AP1G1: variants seen among roughly 807,000 people sequenced by gnomAD.
AP1G1 encodes the protein AP-1 complex subunit gamma-1.
In AP1G1, 7 loss-of-function variants were observed where a neutral mutation model predicts 108.3. That is an observed-to-expected ratio of 0.06 (90% CI 0.04 to 0.12). The LOEUF (loss-of-function observed/expected upper bound fraction) is 0.12, where lower values mean the gene tolerates loss of function less well. Among genes scored for constraint, AP1G1 ranks in the 10% least tolerant of loss-of-function variants. The pLI, the probability that AP1G1 is intolerant of heterozygous loss-of-function variation, is 1.00. For missense variants in AP1G1, 756 were observed against 1,010.7 expected (o/e 0.75, Z 3.42); for synonymous variants, 379 against 353.5 (o/e 1.07, Z -0.81).
At chr16:71,805,155 C>T (rs910705161) in intron 1 of AP1G1, among the ~76,000 whole-genome samples, 8 of 151,874 alleles carry the variant, frequency 5.3e-5, no homozygotes, top group African/African-American at 1.9e-4. Flanking sequence ...AATCAAGAAC[C>T]GAAAACAGAC....
rs376764786 is a variant in AP1G1, at chr16:71,746,722, T to C, written c.1626-30A>G. 1.3e-5 allele frequency: 20 copies of C among 1,523,026 alleles called. No homozygotes were observed. The African/African-American group carries it at 2.3e-4, about 18-fold the overall frequency. The allele number at this position is 1,523,026 out of a possible 1,614,324, so 94.3% of individuals were successfully genotyped here. A position where few individuals can be genotyped will look rare whatever the true frequency, so the allele number is the denominator to read the frequency against. On this transcript the variant is annotated intron_variant, in intron 16 of 22. Transcript: ENST00000299980. ...AGATAAAATGACAAACGAAATAAAA[T>C]ACCCAAAAGAAAATTCACAAATAAG...
At chr16:71,761,408 G>A in intron 10 of AP1G1, 104 bp downstream of exon 10, 1 of 845,638 alleles carries the variant, frequency 1.2e-6, no homozygotes, top group South Asian at 1.6e-5. Context: ...TGAGCTAAAA[G>A]TTCTAAATAT....
intron 1 of AP1G1, 180 bp downstream of exon 1, chr16:71,808,583 A>C (rs1217655108): frequency 7.8e-7 from 1 of 1,289,300 alleles, no homozygotes; most frequent in East Asian, 5.6e-5. Context: ...GGCCCTCCAG[A>C]AGTCGGAGCA....
rs113954982 is a variant in AP1G1, at chr16:71,752,890, T to C, written c.1284+943A>G. ...TTTTCAAATGTTAATTAGCCATTTC[T>C]TTCTTCATGAATTGCTGGTTCAAAT... On this transcript the variant is annotated intron_variant, in intron 13 of 22. Coordinates refer to ENST00000299980, the MANE Select transcript of AP1G1 (RefSeq NM_001128.6). Among the ~76,000 whole-genome samples, 306 of 152,340 alleles carry C rather than the reference T, an allele frequency of 2.0e-3. 2 individuals are homozygous for C. The highest frequency in any genetic ancestry group is 6.9e-3 in the African/African-American group (288 of 41,584).
At chr16:71,766,545 T>C (rs2031324201) in intron 6 of AP1G1, 1 of 385,792 alleles carries the variant, frequency 2.6e-6, no homozygotes. Context: ...TATAAACAAC[T>C]CTAATGACCA....
chr16:71,802,238 A>G (rs149199214), intron 1 of AP1G1, among the ~76,000 whole-genome samples: 3 of 152,174 alleles, frequency 2.0e-5, no homozygotes, highest in Admixed American at 1.3e-4. Context: ...AAAAGTGTTC[A>G]GTCTTAAAAG....
chr16:71,773,273 G>A lies in AP1G1; in HGVS notation c.416C>T (p.Ala139Val). 6.2e-7 allele frequency: 1 copy of A among 1,613,156 alleles called. No individual in the cohort carries two copies. Among genetic ancestry groups the A allele is most frequent in the Non-Finnish European group, 8.5e-7 (1 of 1,179,782 alleles). Residue 139 changes from alanine to valine, a missense_variant, in exon 4 of 23, where the codon GCA becomes GTA. Physicochemically the swap from Ala to Val is moderately conservative, Grantham distance 64. Transcript: ENST00000299980. ...TTTCAGGAGCTTCTCTACCTCTCCT[G>A]CAAGATCTCTGCACATCTCTGAGGA... The part of the protein sequence containing the change: ...MGSSEMCRDL[A>V]GEVEKLLKTS...
chr16:71,768,936 A>AAAAAG lies in AP1G1; in HGVS notation c.642+682_642+686dup, dbSNP rs1555554360. 1.5e-3 allele frequency among the ~76,000 whole-genome samples: 179 copies of AAAAAG among 121,328 alleles called. 1 individual carries two copies. The highest frequency in any genetic ancestry group is 0.011 in the Middle Eastern group (2 of 180). 79.6% of individuals were successfully genotyped at this position (121,328 alleles called of 152,430 possible). A position where few individuals can be genotyped will look rare whatever the true frequency, so the allele number is the denominator to read the frequency against. ...CTGTCTCAAAAAAAAAAAAAAAAAA[A>AAAAAG]AAAAGAAAAGAAAAGAAATTCCTGC... On this transcript the variant is annotated intron_variant, in intron 6 of 22. Transcript: ENST00000299980.
intron 22 of AP1G1, among the ~76,000 whole-genome samples, chr16:71,733,554 C>T (rs771894838): frequency 1.3e-4 from 20 of 152,234 alleles, no homozygotes; most frequent in Non-Finnish European, 1.8e-4. Context: ...TTAGTAGAGA[C>T]GGGGTTTCAC....
intron 21 of AP1G1, among the ~76,000 whole-genome samples, chr16:71,736,784 G>A (rs1259864263): frequency 2.7e-5 from 4 of 148,890 alleles, no homozygotes; most frequent in Admixed American, 6.7e-5. Flanking sequence ...TAGTAGAGAC[G>A]GGGTTTCACC....
intron 6 of AP1G1, chr16:71,769,387 G>A (rs533465872): frequency 2.1e-6 from 1 of 466,948 alleles, no homozygotes; most frequent in Admixed American, 3.3e-5. Flanking sequence ...TGAGATTGGT[G>A]TGTCTGCCAA....
intron 10 of AP1G1, among the ~76,000 whole-genome samples, chr16:71,760,286 T>C (rs1321682660): frequency 6.6e-6 from 1 of 150,534 alleles, no homozygotes; most frequent in Non-Finnish European, 1.5e-5. Flanking sequence ...CTCACGCCTG[T>C]AATCCCAGCA....
At position 71,739,042 on chromosome 16, in the gene AP1G1, C is replaced by T. The variant is rs2045585631; in HGVS notation, c.2168G>A (p.Arg723Gln). 6.2e-7 allele frequency: 1 copy of T among 1,614,090 alleles called. No individual in the cohort carries two copies. The highest frequency in any genetic ancestry group is 8.5e-7 in the Non-Finnish European group (1 of 1,179,988). ...NGLKIEFTFE[R>Q]SNTNPSVTVI... is the part of the protein sequence containing the mutation. ...TGTTACACTGGGGTTGGTATTTGAC[C>T]GTTCAAAGGTGAATTCTATCTTCAA... is the stretch of plus-strand genomic sequence containing the variant. The change falls in exon 21 of 23, where the codon CGG (arginine) becomes CAG (glutamine). Residue 723 changes from arginine (R) to glutamine (Q), a missense_variant. Physicochemically the swap from Arg to Gln is conservative, Grantham distance 43. This residue lies in a region of AP1G1 where 95 missense variants were observed against 160.5 expected (regional missense o/e 0.59). Transcript: ENST00000299980.
chr16:71,775,085 G>A (rs1215157548), intron 2 of AP1G1, among the ~76,000 whole-genome samples: 1 of 138,216 alleles, frequency 7.2e-6, no homozygotes, highest in African/African-American at 2.7e-5. Flanking sequence ...AGAGTGCAAT[G>A]GCGCGATCCC....
chr16:71,746,540 A>T, intron 17 of AP1G1, 48 bp downstream of exon 17: 1 of 1,146,656 alleles, frequency 8.7e-7, no homozygotes, highest in Non-Finnish European at 1.3e-6. Flanking sequence ...ATGACAATTT[A>T]GTCAGGATGC....
chr16:71,732,920 T>C lies in AP1G1; in HGVS notation c.*138A>G, dbSNP rs577575699. The C allele has an allele frequency of 2.3e-5, 15 of 647,870 alleles. No homozygotes were observed. Among genetic ancestry groups the C allele is most frequent in the African/African-American group, 7.3e-5 (4 of 54,714 alleles). The allele number at this position is 647,870 out of a possible 1,614,324, so 40.1% of individuals were successfully genotyped here. ...AATGCTTCAAGGTCAGCAGTAACTT[T>C]AGGAAAATCCTCCTCAGCAGTTCTC... On this transcript the variant is annotated 3_prime_UTR_variant, in exon 23 of 23. Coordinates refer to ENST00000299980, the MANE Select transcript of AP1G1 (RefSeq NM_001128.6).
chr16:71,746,095 C>T (rs985625299), intron 17 of AP1G1, among the ~76,000 whole-genome samples: 2 of 152,018 alleles, frequency 1.3e-5, no homozygotes, highest in East Asian at 1.9e-4. Context: ...CTGAAACATC[C>T]GCCTCCCAGG....
intron 2 of AP1G1, among the ~76,000 whole-genome samples, chr16:71,787,040 C>G (rs559086536): frequency 7.5e-4 from 113 of 151,408 alleles, no homozygotes; most frequent in African/African-American, 2.5e-3. Flanking sequence ...ATTAGCTGGG[C>G]CCGGGCACAG....
chr16:71,768,934 A>AG (rs1368162680), intron 6 of AP1G1, among the ~76,000 whole-genome samples: 16 of 139,830 alleles, frequency 1.1e-4, no homozygotes, highest in African/African-American at 4.2e-4. Flanking sequence ...AAAAAAAAAA[A>AG]AAAAAAGAAA....
Sources: allele counts gnomAD v4.1 joint callset (sites outside exome capture counted in the v4.1 genomes callset), GRCh38; gene constraint gnomAD v4.1.1; regional missense constraint gnomAD v4.1.1; transcripts MANE v1.5; gene names NCBI Gene and HGNC (gene_info 2026-07-23, HGNC 2026-07-21).